The following OXNAD1 variants were observed in gnomAD, a reference collection of about 807,000 sequenced individuals.
The protein encoded by OXNAD1 is oxidoreductase NAD-binding domain-containing protein 1.
In OXNAD1, 34 loss-of-function variants were observed where a neutral mutation model predicts 32.9. The ratio of observed to expected loss-of-function variants is 1.03; its 90% CI spans 0.79 to 1.38. The LOEUF is 1.38. OXNAD1 is among the 40% of genes most tolerant of loss of function. OXNAD1 has a pLI of 0.00. For missense variants in OXNAD1, 407 were observed against 379.4 expected, an observed-to-expected ratio of 1.07 and a Z score of -0.60; for synonymous variants, 134 against 135.2, an observed-to-expected ratio of 0.99 and a Z score of 0.06.
downstream of OXNAD1, among the ~76,000 whole-genome samples, chr3:16,350,664 A>G (rs2072039111): frequency 2.0e-5 from 3 of 152,144 alleles, no homozygotes; most frequent in African/African-American, 4.8e-5. Flanking sequence ...CACCTGTGCT[A>G]TGATTTGCTT....
At chr3:16,300,043 A>C (rs1240702087) in intron 6 of OXNAD1, among the ~76,000 whole-genome samples, 1 of 152,124 alleles carries the variant, frequency 6.6e-6, no homozygotes, top group Non-Finnish European at 1.5e-5. Context: ...AATTTAAGGG[A>C]CTTGCTGGAT....
In OXNAD1 at chr3:16,290,202, G is replaced by T. The variant is rs183326700; in HGVS notation, c.290+3754G>T. ...TCCTTCTGCATACACTCACTCATTG[G>T]GTATATAGTAAGGGCTTTAACTCAT... On this transcript the variant is annotated intron_variant, in intron 5 of 8. Transcript: ENST00000285083. This position sits in a 1 kb window ranked among gnomAD's most constrained non-coding sequence, Gnocchi z 4.2. Among the ~76,000 whole-genome samples, 229 of 152,280 alleles carry T rather than the reference G, an allele frequency of 1.5e-3. No homozygotes were observed. The highest frequency in any genetic ancestry group is 5.4e-3 in the African/African-American group (223 of 41,552).
intron 5 of OXNAD1, among the ~76,000 whole-genome samples, chr3:16,294,155 A>G (rs1255251523): frequency 6.6e-6 from 1 of 151,562 alleles, no homozygotes; most frequent in Non-Finnish European, 1.5e-5. Flanking sequence ...ATTAATTTTT[A>G]AATGTCTGAT....
In OXNAD1 at chr3:16,301,700, T is replaced by C; in HGVS notation, c.507T>C (p.Ser169=). 2 of 1,614,054 alleles carry C rather than the reference T, an allele frequency of 1.2e-6. No individual in the cohort carries two copies. Among genetic ancestry groups the C allele is most frequent in the Non-Finnish European group, 1.7e-6 (2 of 1,179,984 alleles). Residue 169 remains serine (S), a synonymous_variant, in exon 7 of 9, where the codon TCT becomes TCC. Coordinates refer to ENST00000285083, the MANE Select transcript of OXNAD1 (RefSeq NM_138381.5). The surrounding 1 kb of genome is among the most constrained non-coding windows in gnomAD (Gnocchi z 4.1). ...TTGACCCTCAGCCTGCGGATGCCTC[T>C]AGAAACCTCGTGTTGATTGCAGGAG... The part of the protein sequence containing the change: ...FFFDPQPADA[S]RNLVLIAGGV...
chr3:16,312,734 A>C lies in OXNAD1; in HGVS notation c.*30+9142A>C, dbSNP rs1453576905. Among the ~76,000 whole-genome samples, 1 of 152,212 alleles carries C rather than the reference A, an allele frequency of 6.6e-6. No individual in the cohort carries two copies. Among genetic ancestry groups the C allele is most frequent in the Non-Finnish European group, 1.5e-5 (1 of 68,038 alleles). On this transcript the variant is annotated intron_variant, in intron 9 of 9. Coordinates refer to the OXNAD1 transcript ENST00000435829. This position sits in a 1 kb window ranked among gnomAD's most constrained non-coding sequence, Gnocchi z 4.7. Reference sequence around the variant, plus strand: ...AGAGGGCCATGATGAATATGTTTAGAGTACTGATAAAATGTGCTTCATAAG... The same window carrying C: ...AGAGGGCCATGATGAATATGTTTAGCGTACTGATAAAATGTGCTTCATAAG...
intron 9 of OXNAD1, among the ~76,000 whole-genome samples, chr3:16,325,576 TTCAAGTCTTC>T (rs1206248724): frequency 1.3e-5 from 2 of 152,054 alleles, no homozygotes; most frequent in Non-Finnish European, 2.9e-5. Context: ...AAGACTTGGG[TTCAAGTCTTC>T]AGGCCCCAAA....
At position 16,336,696 on chromosome 3, in the gene OXNAD1, T is replaced by C. The variant is rs377697897; in HGVS notation, c.*31-416T>C. 2.5e-4 allele frequency among the ~76,000 whole-genome samples: 38 copies of C among 152,180 alleles called. No individual in the cohort carries two copies. Among genetic ancestry groups the C allele is most frequent in the African/African-American group, 8.7e-4 (36 of 41,508 alleles). ...TTTTTAAAAAAGCTTAGTTCTTAGA[T>C]GCAGAAAAGGGTCAGAGGAAAATAC... On this transcript the variant is annotated intron_variant, in intron 9 of 9. Transcript: ENST00000435829. This position sits in a 1 kb window ranked among gnomAD's most constrained non-coding sequence, Gnocchi z 6.0.
In OXNAD1 at chr3:16,317,187, T is replaced by C. The variant is rs1350556748; in HGVS notation, c.*30+13595T>C. 1 of 1,613,470 alleles carries C rather than the reference T, an allele frequency of 6.2e-7. No homozygotes were observed. Among genetic ancestry groups the C allele is most frequent in the Non-Finnish European group, 8.5e-7 (1 of 1,179,970 alleles). ...GCACTGAGTTTACCTTTTGATTTCC[T>C]CATCTGCCTGTTGTGCATTTCTTCT... is the stretch of plus-strand genomic sequence containing the variant. On this transcript the variant is annotated intron_variant, in intron 9 of 9. Transcript: ENST00000435829. The surrounding 1 kb of genome is among the most constrained non-coding windows in gnomAD (Gnocchi z 4.3).
intron 4 of OXNAD1, chr3:16,275,796 T>C: frequency 6.2e-6 from 1 of 161,706 alleles, no homozygotes; most frequent in Non-Finnish European, 1.4e-5. Context: ...CTGACCTGAT[T>C]TTCATGGAAT....
intron 4 of OXNAD1, among the ~76,000 whole-genome samples, chr3:16,279,672 G>A (rs2065608824): frequency 6.6e-6 from 1 of 151,978 alleles, no homozygotes; most frequent in African/African-American, 2.4e-5. Flanking sequence ...TCAGCAGAGT[G>A]TTCTTGGAGC....
chr3:16,289,408 C>A lies in OXNAD1; in HGVS notation c.290+2960C>A, dbSNP rs188721929. Among the ~76,000 whole-genome samples the A allele has an allele frequency of 5.6e-4, 86 of 152,308 alleles. 1 individual carries two copies. In the East Asian group the frequency reaches 8.9e-3, roughly 16 times the overall value. Reference sequence around the variant, plus strand: ...GGGAAGTAAGGCCAAAGCATTTTCACAGAGTGGAGGGAATTCCTGGTCCTA... The same window carrying A: ...GGGAAGTAAGGCCAAAGCATTTTCAAAGAGTGGAGGGAATTCCTGGTCCTA... On this transcript the variant is annotated intron_variant, in intron 5 of 8. Transcript: ENST00000285083. This position sits in a 1 kb window ranked among gnomAD's most constrained non-coding sequence, Gnocchi z 4.9.
In OXNAD1 at chr3:16,301,257, A is replaced by G. The variant is rs1193047514; in HGVS notation, c.433-369A>G. Among the ~76,000 whole-genome samples, 7 of 152,240 alleles carry G rather than the reference A, an allele frequency of 4.6e-5. No individual in the cohort carries two copies. Among genetic ancestry groups the G allele is most frequent in the Non-Finnish European group, 7.3e-5 (5 of 68,038 alleles). ...TGTTTCTCTCAGCTTTGGTTAGAAC[A>G]CAGGAACACAACTCAGATAAAGGAG... On this transcript the variant is annotated intron_variant, in intron 6 of 8. Coordinates refer to ENST00000285083, the MANE Select transcript of OXNAD1 (RefSeq NM_138381.5). The surrounding 1 kb of genome is among the most constrained non-coding windows in gnomAD (Gnocchi z 4.1).
intron 9 of OXNAD1, chr3:16,315,908 C>T (rs2068339540): frequency 6.6e-6 from 1 of 152,188 alleles, no homozygotes; most frequent in Non-Finnish European, 1.5e-5. Flanking sequence ...AAGAGACAGG[C>T]TGTGGGTTTG....
intron 4 of OXNAD1, among the ~76,000 whole-genome samples, chr3:16,281,860 G>A (rs969174097): frequency 8.2e-5 from 12 of 145,874 alleles, no homozygotes; most frequent in Admixed American, 6.2e-4. Flanking sequence ...TTATTATATC[G>A]AAAGAAAAAA....
chr3:16,300,063 G>A (rs2067069706), intron 6 of OXNAD1, among the ~76,000 whole-genome samples: 2 of 152,086 alleles, frequency 1.3e-5, no homozygotes, highest in Non-Finnish European at 2.9e-5. Context: ...TTTCATAGGG[G>A]CTATGATTAA....
rs970794706 is a variant in OXNAD1 at position 16,297,720 on chromosome 3, G to A, written c.432+2723G>A. ...CTCAGAGGCATTCTGTTGAGTGCAA[G>A]GAGGCAGTCCCAAAAGGTTACATAC... On this transcript the variant is annotated intron_variant, in intron 6 of 8. Transcript: ENST00000285083. This position sits in a 1 kb window ranked among gnomAD's most constrained non-coding sequence, Gnocchi z 4.3. 6.6e-6 allele frequency among the ~76,000 whole-genome samples: 1 copy of A among 152,178 alleles called. No homozygotes were observed. The highest frequency in any genetic ancestry group is 1.5e-5 in the Non-Finnish European group (1 of 68,026).
In OXNAD1 at chr3:16,322,759, C is replaced by T. The variant is rs532331687; in HGVS notation, c.*31-14353C>T. 1.1e-4 allele frequency among the ~76,000 whole-genome samples: 16 copies of T among 152,258 alleles called. No individual in the cohort carries two copies. The highest frequency in any genetic ancestry group is 6.5e-4 in the Admixed American group (10 of 15,298). On this transcript the variant is annotated intron_variant, in intron 9 of 9. Transcript: ENST00000435829. This position sits in a 1 kb window ranked among gnomAD's most constrained non-coding sequence, Gnocchi z 6.2. ...CTCTCTGAGAAGGCCAGTCTCTGTG[C>T]GACTGTTTCTAGGGTAGTTCAGAGT...
chr3:16,283,940 C>A (rs959017451), intron 4 of OXNAD1, among the ~76,000 whole-genome samples: 3 of 152,046 alleles, frequency 2.0e-5, no homozygotes, highest in African/African-American at 7.3e-5. Context: ...AGACCCCAAC[C>A]GTCAAAGGAG....
chr3:16,331,745 A>G (rs2070333610), intron 9 of OXNAD1, among the ~76,000 whole-genome samples: 1 of 152,130 alleles, frequency 6.6e-6, no homozygotes, highest in South Asian at 2.1e-4. Flanking sequence ...ATTACTGTCT[A>G]TGGCTGGTAT....
Sources: allele counts gnomAD v4.1 joint callset (sites outside exome capture counted in the v4.1 genomes callset), GRCh38; gene constraint gnomAD v4.1.1; non-coding constraint Gnocchi (gnomAD v3.1); transcripts MANE v1.5; gene names NCBI Gene and HGNC (gene_info 2026-07-23, HGNC 2026-07-21).